Variants in FHIT observed in about 807,000 individuals in gnomAD.
The protein encoded by FHIT is fragile histidine triad diadenosine triphosphatase, also known as bis(5'-adenosyl)-triphosphatase.
FHIT carries 19 observed loss-of-function variants against 17.9 expected under a neutral mutation model. The observed-to-expected ratio is 1.06, with a 90% CI of 0.74 to 1.56. The LOEUF is 1.56. FHIT is among the 40% of genes most tolerant of loss of function. The pLI is 0.00. For synonymous variants in FHIT, 81 were observed against 69.7 expected, an observed-to-expected ratio of 1.16 and a Z score of -0.81; for missense variants, 248 against 189.2, an observed-to-expected ratio of 1.31 and a Z score of -1.82.
chr3:59,796,215 T>C (rs1050815374), intron 8 of FHIT, among the ~76,000 whole-genome samples: 1 of 152,216 alleles, frequency 6.6e-6, no homozygotes, highest in Non-Finnish European at 1.5e-5. Flanking sequence ...AGGTCATTCC[T>C]TTCATCTCCT....
chr3:60,987,988 G>A (rs970407523), intron 3 of FHIT, among the ~76,000 whole-genome samples: 10 of 152,060 alleles, frequency 6.6e-5, no homozygotes, highest in African/African-American at 1.7e-4. Flanking sequence ...TTACTATGAC[G>A]CTTATTCCCA....
chr3:60,156,071 G>A (rs1489228091), intron 5 of FHIT, among the ~76,000 whole-genome samples: 1 of 152,076 alleles, frequency 6.6e-6, no homozygotes. Flanking sequence ...AGATCATTTA[G>A]GGCCGGGTGT....
chr3:60,763,232 G>C (rs1482984543), intron 4 of FHIT, among the ~76,000 whole-genome samples: 2 of 152,154 alleles, frequency 1.3e-5, no homozygotes, highest in Non-Finnish European at 2.9e-5. Flanking sequence ...CGAAATGATA[G>C]GGATCATTAT....
At chr3:59,898,935 C>G (rs1292017562) in intron 8 of FHIT, among the ~76,000 whole-genome samples, 1 of 152,158 alleles carries the variant, frequency 6.6e-6, no homozygotes, top group East Asian at 1.9e-4. Context: ...TAGAAAACAG[C>G]CTTAGCTTCA....
chr3:60,815,845 T>G (rs1701722826), intron 4 of FHIT, among the ~76,000 whole-genome samples: 1 of 152,142 alleles, frequency 6.6e-6, no homozygotes, highest in Admixed American at 6.6e-5. Flanking sequence ...TTAATGAAAT[T>G]GATTCTTCCA....
chr3:59,861,563 A>G (rs1177040064), intron 8 of FHIT, among the ~76,000 whole-genome samples: 1 of 152,210 alleles, frequency 6.6e-6, no homozygotes, highest in Non-Finnish European at 1.5e-5. Context: ...ATCACTAACT[A>G]AAAATATTCC....
chr3:60,324,027 T>C (rs919671218), intron 5 of FHIT, among the ~76,000 whole-genome samples: 3 of 152,180 alleles, frequency 2.0e-5, no homozygotes, highest in East Asian at 3.9e-4. Flanking sequence ...AATCCTTTGT[T>C]GAAATGAAAT....
intron 5 of FHIT, among the ~76,000 whole-genome samples, chr3:60,495,226 A>G (rs929602005): frequency 8.5e-5 from 13 of 152,178 alleles, no homozygotes; most frequent in African/African-American, 2.9e-4. Flanking sequence ...ATGATGAAGG[A>G]TGTTGAGCAC....
rs540829582 is a variant in FHIT, at chr3:59,785,903, T to G, written c.349-33582A>C. 3.9e-5 allele frequency among the ~76,000 whole-genome samples: 6 copies of G among 152,256 alleles called. No individual in the cohort carries two copies. The East Asian group carries it at 1.2e-3, about 29-fold the overall frequency. ...GATGCAGATGTCACCCCGCCAAAATTTGAGTCAGTGCCCCACCTATGCGCT... is the reference window on the plus strand; with the variant it reads ...GATGCAGATGTCACCCCGCCAAAATGTGAGTCAGTGCCCCACCTATGCGCT... On this transcript the variant is annotated intron_variant, in intron 8 of 9. Coordinates refer to ENST00000492590, the MANE Select transcript of FHIT (RefSeq NM_002012.4).
chr3:60,812,782 C>T (rs554880542), intron 4 of FHIT, among the ~76,000 whole-genome samples: 41 of 152,016 alleles, frequency 2.7e-4, no homozygotes, highest in Non-Finnish European at 5.6e-4. Flanking sequence ...CAGAGAAAAA[C>T]GATGCTGTGC....
At chr3:60,900,493 T>C (rs1308607755) in intron 3 of FHIT, among the ~76,000 whole-genome samples, 1 of 151,726 alleles carries the variant, frequency 6.6e-6, no homozygotes, top group Admixed American at 6.6e-5. Flanking sequence ...AATACTTCAG[T>C]GCAATCTTTT....
chr3:60,288,211 G>C (rs1042244428), intron 5 of FHIT, among the ~76,000 whole-genome samples: 1 of 152,126 alleles, frequency 6.6e-6, no homozygotes, highest in African/African-American at 2.4e-5. Context: ...TCACAAAATG[G>C]TGACTAGCTT....
chr3:60,613,019 T>A (rs2038832971), intron 4 of FHIT, among the ~76,000 whole-genome samples: 1 of 152,200 alleles, frequency 6.6e-6, no homozygotes. Flanking sequence ...TGTCACAGTG[T>A]CATTATTTAA....
intron 5 of FHIT, among the ~76,000 whole-genome samples, chr3:60,393,898 C>G (rs560867136): frequency 3.9e-5 from 6 of 152,234 alleles, no homozygotes; most frequent in Non-Finnish European, 8.8e-5. Flanking sequence ...CATTTGCCAC[C>G]CTGCTCTGCG....
intron 5 of FHIT, among the ~76,000 whole-genome samples, chr3:60,351,326 C>G (rs1699384790): frequency 6.6e-6 from 1 of 152,158 alleles, no homozygotes; most frequent in African/African-American, 2.4e-5. Context: ...TTGAATTACA[C>G]TCAGACGCAA....
chr3:59,939,249 T>C (rs1706392111), intron 7 of FHIT, among the ~76,000 whole-genome samples: 1 of 152,134 alleles, frequency 6.6e-6, no homozygotes, highest in African/African-American at 2.4e-5. Flanking sequence ...CTGGCCAAAC[T>C]TTTTCAGTGC....
At position 60,077,686 on chromosome 3, in the gene FHIT, T is replaced by TCACACACACA. The variant is rs35531886; in HGVS notation, c.104-63544_104-63535dup. On this transcript the variant is annotated intron_variant, in intron 5 of 9. Coordinates refer to ENST00000492590, the MANE Select transcript of FHIT (RefSeq NM_002012.4). ...ATTAAAAAAAATCTACGATTTTACT[T>TCACACACACA]CACACACACACACACACACACACAC... Among the ~76,000 whole-genome samples, 41 of 110,362 alleles carry TCACACACACA rather than the reference T, an allele frequency of 3.7e-4. No homozygotes were observed. In the South Asian group the frequency reaches 4.1e-3, roughly 11 times the overall value. The allele number at this position is 110,362 out of a possible 152,430, so 72.4% of individuals were successfully genotyped here. A position where few individuals can be genotyped will look rare whatever the true frequency, so the allele number is the denominator to read the frequency against.
intron 2 of FHIT, among the ~76,000 whole-genome samples, chr3:61,046,775 A>G (rs1316512614): frequency 6.6e-6 from 1 of 152,210 alleles, no homozygotes; most frequent in Non-Finnish European, 1.5e-5. Flanking sequence ...CCAGCAGCAC[A>G]TCAAAAAGCT....
intron 5 of FHIT, among the ~76,000 whole-genome samples, chr3:60,080,086 C>T (rs899773212): frequency 2.0e-5 from 3 of 151,968 alleles, no homozygotes; most frequent in Non-Finnish European, 2.9e-5. Context: ...TTTCTATTTC[C>T]GTGTAATGTC....
Sources: allele counts gnomAD v4.1 joint callset (sites outside exome capture counted in the v4.1 genomes callset), GRCh38; gene constraint gnomAD v4.1.1; transcripts MANE v1.5; gene names NCBI Gene and HGNC (gene_info 2026-07-23, HGNC 2026-07-21).